Variants in ABCC8 observed in about 807,000 individuals in gnomAD.
The protein encoded by ABCC8 is ATP binding cassette subfamily C member 8, also known as ATP-binding cassette sub-family C member 8.
A neutral mutation model predicts 188.0 loss-of-function variants in ABCC8; 137 were observed. The ratio of observed to expected loss-of-function variants is 0.73; its 90% CI spans 0.63 to 0.84. The LOEUF (loss-of-function observed/expected upper bound fraction) is 0.84, where lower values mean the gene tolerates loss of function less well. Among genes scored for constraint, ABCC8 ranks in the 40% least tolerant of loss-of-function variants. The pLI is 0.00. For missense variants in ABCC8, 1,750 were observed against 2,072.7 expected, an observed-to-expected ratio of 0.84 and a Z score of 3.02; for synonymous variants, 797 against 846.5, an observed-to-expected ratio of 0.94 and a Z score of 1.01.
At position 17,460,670 on chromosome 11, in the gene ABCC8, C is replaced by T. The variant is rs1395033115; in HGVS notation, c.829G>A (p.Asp277Asn). 1.2e-6 allele frequency: 2 copies of T among 1,608,194 alleles called. No individual in the cohort carries two copies. Among genetic ancestry groups the T allele is most frequent in the East Asian group, 4.5e-5 (2 of 44,876 alleles). Residue 277 changes from aspartate (D) to asparagine (N), a missense_variant, in exon 6 of 39, where the codon GAC becomes AAC. Physicochemically the swap from Asp to Asn is conservative, Grantham distance 23 (BLOSUM62 1). Transcript: ENST00000389817. Reference sequence around the variant, plus strand: ...CGGGCACCTTGAGTGCCCTGAATGTCCTTCCGCTGCCCAGAGAGACCATGG... The same window carrying T: ...CGGGCACCTTGAGTGCCCTGAATGTTCTTCCGCTGCCCAGAGAGACCATGG... ...CEAFDAQVRKDIQGTQGARAI... is the reference protein window; with the variant it reads ...CEAFDAQVRKNIQGTQGARAI...
chr11:17,395,312 C>T (rs1320799166), intron 35 of ABCC8, 37 bp from the exon 36 acceptor site: 1 of 1,554,652 alleles, frequency 6.4e-7, no homozygotes, highest in Non-Finnish European at 8.7e-7. Context: ...AGGGAGGGAG[C>T]AGGGTCCTGC....
intron 3 of ABCC8, among the ~76,000 whole-genome samples, chr11:17,465,967 A>C (rs1274309756): frequency 2.0e-5 from 3 of 152,226 alleles, no homozygotes; most frequent in Non-Finnish European, 4.4e-5. Context: ...GAAGCAACCC[A>C]CTGACAGACG....
In ABCC8 at chr11:17,405,490, G is replaced by C. The variant is rs1191458195; in HGVS notation, c.3399+4C>G. On this transcript the variant is annotated splice_donor_region_variant and intron_variant, in intron 27 of 38. Transcript: ENST00000389817. Reference sequence around the variant, plus strand: ...GGGGGATAGTGTGGCACGGTCCTCTGTACCTGGTCGATGGTGTTACAGTCA... The same window carrying C: ...GGGGGATAGTGTGGCACGGTCCTCTCTACCTGGTCGATGGTGTTACAGTCA... 3.1e-6 allele frequency: 5 copies of C among 1,614,118 alleles called. No homozygotes were observed. The highest frequency in any genetic ancestry group is 4.2e-6 in the Non-Finnish European group (5 of 1,180,050).
chr11:17,458,697 G>T (rs1401654010), intron 6 of ABCC8, among the ~76,000 whole-genome samples: 1 of 152,178 alleles, frequency 6.6e-6, no homozygotes, highest in East Asian at 1.9e-4. Context: ...GCCAGATATG[G>T]CTTCAAAAGC....
At chr11:17,425,380 C>T (rs1391141300) in intron 16 of ABCC8, among the ~76,000 whole-genome samples, 1 of 152,186 alleles carries the variant, frequency 6.6e-6, no homozygotes, top group East Asian at 1.9e-4. Context: ...AGACATTGGG[C>T]CCAAAGTCTT....
intron 6 of ABCC8, among the ~76,000 whole-genome samples, chr11:17,456,034 A>C (rs1433344492): frequency 1.3e-5 from 2 of 151,682 alleles, no homozygotes; most frequent in Non-Finnish European, 2.9e-5. Flanking sequence ...GTCTACCGAG[A>C]AGAGGGTCCT....
intron 11 of ABCC8, among the ~76,000 whole-genome samples, chr11:17,431,211 A>C (rs553676248): frequency 6.6e-6 from 1 of 152,256 alleles, no homozygotes; most frequent in African/African-American, 2.4e-5. Flanking sequence ...TGTCCTGCCC[A>C]GTCTTGGCTG....
In ABCC8 at chr11:17,395,571, G is replaced by A. The variant is rs1175024325; in HGVS notation, c.4307+39C>T. On this transcript the variant is annotated intron_variant, in intron 35 of 38. Transcript: ENST00000389817. The stretch of plus-strand genomic sequence containing the variant: ...CTCCAGATCTGATGGAACTGAGCCG[G>A]CCTGGGGCTGGGTGGGCCTGAGGGG... 10 of 1,542,496 alleles carry A rather than the reference G, an allele frequency of 6.5e-6. No individual in the cohort carries two copies. In the Admixed American group the frequency reaches 1.4e-4, roughly 21 times the overall value.
chr11:17,465,607 A>C (rs1157845089), intron 3 of ABCC8: 1 of 152,234 alleles, frequency 6.6e-6, no homozygotes, highest in East Asian at 1.9e-4. Context: ...AAGGAAGGAA[A>C]GAGGCATAAC....
chr11:17,405,539 C>A lies in ABCC8; in HGVS notation c.3354G>T (p.Gly1118=). 1 of 1,614,226 alleles carries A rather than the reference C, an allele frequency of 6.2e-7. No homozygotes were observed. Among genetic ancestry groups the A allele is most frequent in the Middle Eastern group, 1.6e-4 (1 of 6,062 alleles). ...CAGATGAAAATCTGTTCAGGATGCTCCCAAGGGGCGTGGTCTCAAAAAACC... is the reference window on the plus strand; with the variant it reads ...CAGATGAAAATCTGTTCAGGATGCTACCAAGGGGCGTGGTCTCAAAAAACC... ...PMRFFETTPL[G]SILNRFSSDC... The change falls in exon 27 of 39, where the codon GGG becomes GGT. Residue 1118 remains glycine (G), a synonymous_variant. Coordinates refer to ENST00000389817, the MANE Select transcript of ABCC8 (RefSeq NM_000352.6).
intron 6 of ABCC8, among the ~76,000 whole-genome samples, chr11:17,456,799 T>C (rs1383670759): frequency 2.0e-5 from 3 of 152,184 alleles, no homozygotes; most frequent in Non-Finnish European, 4.4e-5. Context: ...GAGAAGTCAA[T>C]GTAACAGTGC....
At chr11:17,450,167 C>T (rs1591850704) in intron 7 of ABCC8, among the ~76,000 whole-genome samples, 3 of 152,248 alleles carry the variant, frequency 2.0e-5, no homozygotes, top group Admixed American at 2.0e-4. Context: ...AGGCTCTCAT[C>T]CGTAAGGGTA....
At chr11:17,435,690 T>G in intron 10 of ABCC8, 2 of 1,386,872 alleles carry the variant, frequency 1.4e-6, no homozygotes, top group African/African-American at 2.9e-5. Flanking sequence ...CTGCCAGCCC[T>G]ACAGAGGACA....
Position 17,395,737 on chromosome 11 carries a change from G to A in ABCC8, c.4199-19C>T. ...ATGTGCCCTGCATGGGTCCCAGTGA[G>A]GGTGCAGGGGAAGGCGGTGACTGCT... On this transcript the variant is annotated intron_variant, in intron 34 of 38. Coordinates refer to ENST00000389817, the MANE Select transcript of ABCC8 (RefSeq NM_000352.6). The A allele has an allele frequency of 6.4e-7, 1 of 1,552,756 alleles. No homozygotes were observed. Among genetic ancestry groups the A allele is most frequent in the Non-Finnish European group, 8.7e-7 (1 of 1,147,536 alleles).
At chr11:17,429,485 G>A (rs1313149677) in intron 12 of ABCC8, 1 of 152,326 alleles carries the variant, frequency 6.6e-6, no homozygotes, top group Non-Finnish European at 1.5e-5. Flanking sequence ...TGACTGGGAA[G>A]AGTGGAGCTG....
In ABCC8 at chr11:17,415,633, C is replaced by T. The variant is rs187519480; in HGVS notation, c.2256-294G>A. 1.8e-4 allele frequency among the ~76,000 whole-genome samples: 27 copies of T among 152,284 alleles called. No individual in the cohort carries two copies. The East Asian group carries it at 5.2e-3, about 29-fold the overall frequency. On this transcript the variant is annotated intron_variant, in intron 17 of 38. Transcript: ENST00000389817. ...GCTCTGGGGGGAAAACTTGTCAGAT[C>T]AGGAGTATGAAGCCCGCAATGTGGC...
intron 29 of ABCC8, chr11:17,399,037 G>A (rs1286849341): frequency 1.2e-5 from 2 of 160,852 alleles, no homozygotes; most frequent in Non-Finnish European, 2.7e-5. Flanking sequence ...GGGAGGCTGA[G>A]GCGGGCGGAT....
intron 8 of ABCC8, among the ~76,000 whole-genome samples, chr11:17,445,037 A>G (rs1453233435): frequency 6.6e-6 from 1 of 152,212 alleles, no homozygotes. Context: ...GTCACTGGGG[A>G]ACCGCAGAAA....
chr11:17,454,038 C>G (rs1035343057), intron 6 of ABCC8, among the ~76,000 whole-genome samples: 2 of 152,194 alleles, frequency 1.3e-5, no homozygotes, highest in African/African-American at 4.8e-5. Flanking sequence ...AAATCCATTG[C>G]TCCCCAGCAG....
Sources: allele counts gnomAD v4.1 joint callset (sites outside exome capture counted in the v4.1 genomes callset), GRCh38; gene constraint gnomAD v4.1.1; transcripts MANE v1.5; gene names NCBI Gene and HGNC (gene_info 2026-07-23, HGNC 2026-07-21).